The following SLC10A7 variants were observed in gnomAD, a reference collection of about 807,000 sequenced individuals.
SLC10A7 encodes solute carrier family 10 member 7.
In SLC10A7, 29 loss-of-function variants were observed where a neutral mutation model predicts 43.2. The observed-to-expected ratio is 0.67, with a 90% CI of 0.50 to 0.92. SLC10A7 has a LOEUF of 0.92. SLC10A7 is among the 40% of genes least tolerant of loss of function. The pLI, the probability that SLC10A7 is intolerant of heterozygous loss-of-function variation, is 0.00. For synonymous variants in SLC10A7, 152 were observed against 144.8 expected (o/e 1.05, Z -0.35); for missense variants, 295 against 403.2 (o/e 0.73, Z 2.30).
chr4:146,471,955 C>T (rs1733607087), intron 4 of SLC10A7, among the ~76,000 whole-genome samples: 1 of 152,108 alleles, frequency 6.6e-6, no homozygotes, highest in African/African-American at 2.4e-5. Flanking sequence ...ATTCTTCTGA[C>T]CCACCCATTT....
At chr4:146,330,529 C>A in intron 5 of SLC10A7, among the ~76,000 whole-genome samples, 1 of 152,288 alleles carries the variant, frequency 6.6e-6, no homozygotes, top group African/African-American at 2.4e-5. Context: ...GTCTCCCTCA[C>A]GTCCTTATAT....
chr4:146,394,134 A>G (rs1738642204), intron 5 of SLC10A7, among the ~76,000 whole-genome samples: 1 of 152,198 alleles, frequency 6.6e-6, no homozygotes, highest in African/African-American at 2.4e-5. Context: ...CTTGATATGT[A>G]AGGCCAATAT....
intron 5 of SLC10A7, among the ~76,000 whole-genome samples, chr4:146,372,891 C>T (rs968876670): frequency 1.3e-5 from 2 of 151,938 alleles, no homozygotes; most frequent in Non-Finnish European, 2.9e-5. Flanking sequence ...ATAATAAATC[C>T]AAGTAAATCA....
At chr4:146,473,784 CA>C (rs1733798681) in intron 4 of SLC10A7, among the ~76,000 whole-genome samples, 1 of 151,974 alleles carries the variant, frequency 6.6e-6, no homozygotes, top group Admixed American at 6.6e-5. Context: ...ATGGATCCTG[CA>C]GTCAAACAAA....
intron 4 of SLC10A7, among the ~76,000 whole-genome samples, chr4:146,465,469 T>A (rs1732939303): frequency 6.6e-6 from 1 of 151,838 alleles, no homozygotes; most frequent in African/African-American, 2.4e-5. Flanking sequence ...CTTTATTCTC[T>A]CTATCTCTGG....
At chr4:146,508,401 A>C (rs768657021) in intron 3 of SLC10A7, among the ~76,000 whole-genome samples, 3 of 152,150 alleles carry the variant, frequency 2.0e-5, no homozygotes, top group Non-Finnish European at 2.9e-5. Flanking sequence ...TGCATAATAC[A>C]TTTTTGCTCT....
Position 146,254,626 on chromosome 4 carries a change from T to C in SLC10A7, c.*1865A>G, listed in dbSNP as rs1236522801. ...ATCCCATGATCACACCTACTATAGG[T>C]GTTAGACAATAGAGGTAGATAAGTT... On this transcript the variant is annotated 3_prime_UTR_variant, in exon 12 of 12. Coordinates refer to ENST00000335472, the MANE Select transcript of SLC10A7 (RefSeq NM_001029998.6). 6.6e-6 allele frequency: 1 copy of C among 152,156 alleles called. No individual in the cohort carries two copies. The highest frequency in any genetic ancestry group is 1.5e-5 in the Non-Finnish European group (1 of 68,026). 9.4% of individuals were successfully genotyped at this position (152,156 alleles called of 1,614,324 possible).
At chr4:146,493,654 G>A (rs767124137) in intron 4 of SLC10A7, among the ~76,000 whole-genome samples, 21 of 151,976 alleles carry the variant, frequency 1.4e-4, no homozygotes, top group African/African-American at 4.4e-4. Context: ...CCTTTACCTC[G>A]TTCTAAACTC....
chr4:146,303,898 C>A (rs144300421), intron 7 of SLC10A7, among the ~76,000 whole-genome samples: 1 of 151,620 alleles, frequency 6.6e-6, no homozygotes, highest in Non-Finnish European at 1.5e-5. Flanking sequence ...AATTATGAAC[C>A]TAGAGCTAGG....
intron 3 of SLC10A7, among the ~76,000 whole-genome samples, chr4:146,507,719 C>A (rs529119728): frequency 1.4e-4 from 22 of 152,302 alleles, no homozygotes; most frequent in Admixed American, 2.0e-4. Flanking sequence ...CTCACTCTGT[C>A]CCTTTACTAT....
intron 10 of SLC10A7, among the ~76,000 whole-genome samples, chr4:146,276,194 T>A (rs931190473): frequency 2.6e-5 from 4 of 152,200 alleles, no homozygotes; most frequent in African/African-American, 9.6e-5. Context: ...ATCAAAATAA[T>A]GAATTTCTGT....
At chr4:146,284,419 T>C (rs1350330494) in intron 9 of SLC10A7, among the ~76,000 whole-genome samples, 2 of 152,164 alleles carry the variant, frequency 1.3e-5, no homozygotes, top group African/African-American at 2.4e-5. Context: ...TCTTGTTGTA[T>C]ACCCACAGGA....
intron 5 of SLC10A7, among the ~76,000 whole-genome samples, chr4:146,338,434 T>C (rs1734038576): frequency 6.6e-6 from 1 of 151,884 alleles, no homozygotes; most frequent in Non-Finnish European, 1.5e-5. Flanking sequence ...TCCCAAGCAG[T>C]AAGTGGCAGA....
At chr4:146,364,834 A>G (rs1465614389) in intron 5 of SLC10A7, among the ~76,000 whole-genome samples, 2 of 152,192 alleles carry the variant, frequency 1.3e-5, no homozygotes, top group African/African-American at 4.8e-5. Flanking sequence ...GGGTATCCCA[A>G]TTACCCTGAT....
intron 6 of SLC10A7, among the ~76,000 whole-genome samples, chr4:146,309,666 T>G (rs188190238): frequency 6.5e-4 from 99 of 152,280 alleles, no homozygotes; most frequent in African/African-American, 2.2e-3. Flanking sequence ...TCTTCCAACT[T>G]CATTCAGGTA....
At chr4:146,374,976 C>T (rs544102650) in intron 5 of SLC10A7, among the ~76,000 whole-genome samples, 1 of 152,234 alleles carries the variant, frequency 6.6e-6, no homozygotes, top group East Asian at 1.9e-4. Flanking sequence ...GAGGCTGAGG[C>T]AGATGGATCA....
chr4:146,339,002 G>A (rs566902154), intron 5 of SLC10A7, among the ~76,000 whole-genome samples: 20 of 151,890 alleles, frequency 1.3e-4, no homozygotes, highest in Non-Finnish European at 2.5e-4. Flanking sequence ...TATGGAGGAG[G>A]GGGATAGTAT....
Position 146,418,589 on chromosome 4 carries a change from G to A in SLC10A7, c.435+24194C>T, listed in dbSNP as rs562291426. Among the ~76,000 whole-genome samples the A allele has an allele frequency of 2.0e-5, 3 of 152,156 alleles. No homozygotes were observed. The South Asian group carries it at 6.2e-4, about 32-fold the overall frequency. On this transcript the variant is annotated intron_variant, in intron 5 of 11. Transcript: ENST00000335472. ...AAAAGAATTAAAGTTTTTTATGATC[G>A]TTTTTAATTTAATTTACCTGTGACA...
At chr4:146,426,788 T>C (rs1020374052) in intron 5 of SLC10A7, among the ~76,000 whole-genome samples, 1 of 152,034 alleles carries the variant, frequency 6.6e-6, no homozygotes, top group Non-Finnish European at 1.5e-5. Context: ...GGCAGGAGAA[T>C]CGCTTCAACC....
Sources: allele counts gnomAD v4.1 joint callset (sites outside exome capture counted in the v4.1 genomes callset), GRCh38; gene constraint gnomAD v4.1.1; transcripts MANE v1.5; gene names NCBI Gene and HGNC (gene_info 2026-07-23, HGNC 2026-07-21).